ATXN10: variants seen among roughly 807,000 people sequenced by gnomAD.
ATXN10 encodes the protein ataxin-10.
ATXN10 carries 28 observed loss-of-function variants against 52.9 expected under a neutral mutation model. That is an observed-to-expected ratio of 0.53 (90% CI 0.39 to 0.73). ATXN10 has a LOEUF of 0.73. Ranked by LOEUF, ATXN10 falls within the 30% of genes least tolerant of loss-of-function variation. The probability of loss-of-function intolerance (pLI) is 0.00; values close to 1 mark genes in which losing one functional copy is unlikely to be tolerated. For synonymous variants in ATXN10, 226 were observed against 221.5 expected (o/e 1.02, Z -0.18); for missense variants, 565 against 577.0 (o/e 0.98, Z 0.21).
rs1447490007 is a variant in ATXN10, at chr22:45,738,800, T to G, written c.964T>G (p.Tyr322Asp). 1 of 1,614,206 alleles carries G rather than the reference T, an allele frequency of 6.2e-7. No individual in the cohort carries two copies. The highest frequency in any genetic ancestry group is 1.1e-5 in the South Asian group (1 of 91,088). Residue 322 changes from tyrosine to aspartate, a missense_variant, in exon 8 of 12, where the codon TAT (tyrosine) becomes GAT (aspartate). By Grantham distance (160) the Tyr-to-Asp change is radical. Coordinates refer to ENST00000252934, the MANE Select transcript of ATXN10 (RefSeq NM_013236.4). ...EMTVNTELLG[Y>D]LQVFPGLLER... ...GACTGTGAATACTGAGCTGCTCGGC[T>G]ATCTGCAGGTTTTCCCTGGCTTGCT...
rs1027286914 is a variant in ATXN10, at chr22:45,780,825, G to A, written c.1174-26134G>A. Among the ~76,000 whole-genome samples the A allele has an allele frequency of 6.6e-6, 1 of 152,100 alleles. No homozygotes were observed. The highest frequency in any genetic ancestry group is 1.5e-5 in the Non-Finnish European group (1 of 68,016). On this transcript the variant is annotated intron_variant, in intron 9 of 11. Coordinates refer to ENST00000252934, the MANE Select transcript of ATXN10 (RefSeq NM_013236.4). This position sits in a 1 kb window ranked among gnomAD's most constrained non-coding sequence, Gnocchi z 4.0. ...TTAAGGTGGTGCAGATGCACTTCCC[G>A]GTATCTCTCCAGCTAAATACATCCA...
chr22:45,843,904 A>G lies in ATXN10; in HGVS notation c.*233A>G. 2 of 580,412 alleles carry G rather than the reference A, an allele frequency of 3.4e-6. No homozygotes were observed. The highest frequency in any genetic ancestry group is 6.1e-6 in the Non-Finnish European group (2 of 326,588). 36.0% of individuals were successfully genotyped at this position (580,412 alleles called of 1,614,324 possible). On this transcript the variant is annotated 3_prime_UTR_variant, in exon 12 of 12. Transcript: ENST00000252934. This position sits in a 1 kb window ranked among gnomAD's most constrained non-coding sequence, Gnocchi z 4.5. ...GGTTTGCCTTTGTCCCCCTGGATAG[A>G]ACGTGCATTTAAAGAATATATTGTA...
chr22:45,778,141 CT>C (rs1174545799), intron 9 of ATXN10, among the ~76,000 whole-genome samples: 3 of 152,198 alleles, frequency 2.0e-5, no homozygotes, highest in Non-Finnish European at 4.4e-5. Flanking sequence ...TTGCTGGCCC[CT>C]GACTTAATGC....
intron 9 of ATXN10, among the ~76,000 whole-genome samples, chr22:45,742,428 C>T (rs1218694917): frequency 1.3e-5 from 2 of 151,472 alleles, no homozygotes; most frequent in African/African-American, 4.9e-5. Context: ...AAAGGAGATA[C>T]GCTTCATAAG....
rs1402238537 is a variant in ATXN10, at chr22:45,783,517, A to T, written c.1174-23442A>T. 6.6e-6 allele frequency among the ~76,000 whole-genome samples: 1 copy of T among 152,148 alleles called. No homozygotes were observed. The highest frequency in any genetic ancestry group is 2.4e-5 in the African/African-American group (1 of 41,422). On this transcript the variant is annotated intron_variant, in intron 9 of 11. Coordinates refer to ENST00000252934, the MANE Select transcript of ATXN10 (RefSeq NM_013236.4). This position sits in a 1 kb window ranked among gnomAD's most constrained non-coding sequence, Gnocchi z 5.0. ...AGCTTGGCCTTCAGGGCTGCCCCTG[A>T]TTGGACCTGCCTGGCCGGCTCAGGT...
intron 1 of ATXN10, chr22:45,689,437 C>G: frequency 2.1e-6 from 1 of 468,882 alleles, no homozygotes; most frequent in Non-Finnish European, 3.9e-6. Context: ...ATCTCTACTT[C>G]ACTTACCTTA....
rs1300345726 is a variant in ATXN10 at position 45,733,858 on chromosome 22, C to CT, written c.894+4275dup. On this transcript the variant is annotated intron_variant, in intron 7 of 11. Transcript: ENST00000252934. The surrounding 1 kb of genome is among the most constrained non-coding windows in gnomAD (Gnocchi z 4.4). Reference sequence around the variant, plus strand: ...TTTTTTTTGTTTTCTTTTCAAAGGTCTTTTTTTGTATATACACACCTATAT... The same window carrying CT: ...TTTTTTTTGTTTTCTTTTCAAAGGTCTTTTTTTTGTATATACACACCTATAT... Among the ~76,000 whole-genome samples, 1 of 148,584 alleles carries CT rather than the reference C, an allele frequency of 6.7e-6. No individual in the cohort carries two copies. The highest frequency in any genetic ancestry group is 2.5e-5 in the African/African-American group (1 of 40,460).
intron 9 of ATXN10, among the ~76,000 whole-genome samples, chr22:45,773,212 A>G (rs1256491471): frequency 6.6e-6 from 1 of 152,220 alleles, no homozygotes; most frequent in Non-Finnish European, 1.5e-5. Context: ...TGCTCAACTC[A>G]TTCATTCTAG....
At chr22:45,731,892 G>A (rs184846542) in intron 7 of ATXN10, among the ~76,000 whole-genome samples, 7 of 152,244 alleles carry the variant, frequency 4.6e-5, no homozygotes, top group East Asian at 3.9e-4. Context: ...AGGGGCTTGC[G>A]TTTACTTTCT....
rs1210424678 is a variant in ATXN10 at position 45,672,042 on chromosome 22, C to G, written c.-22C>G. 1.3e-6 allele frequency: 2 copies of G among 1,533,564 alleles called. No homozygotes were observed. Among genetic ancestry groups the G allele is most frequent in the South Asian group, 1.2e-5 (1 of 83,574 alleles). The allele number at this position is 1,533,564 out of a possible 1,614,324, so 95.0% of individuals were successfully genotyped here. ...TCGCCTTCCTCCTCCTCGTCAGGCTCGACCCAGCTGTGAGCGGCAAGATGG... is the reference window on the plus strand; with the variant it reads ...TCGCCTTCCTCCTCCTCGTCAGGCTGGACCCAGCTGTGAGCGGCAAGATGG... On this transcript the variant is annotated 5_prime_UTR_variant, in exon 1 of 12. Coordinates refer to ENST00000252934, the MANE Select transcript of ATXN10 (RefSeq NM_013236.4).
rs1925920620 is a variant in ATXN10 at position 45,750,879 on chromosome 22, G to T, written c.1173+10341G>T. 6.6e-6 allele frequency among the ~76,000 whole-genome samples: 1 copy of T among 152,074 alleles called. No individual in the cohort carries two copies. Among genetic ancestry groups the T allele is most frequent in the Non-Finnish European group, 1.5e-5 (1 of 68,004 alleles). On this transcript the variant is annotated intron_variant, in intron 9 of 11. Transcript: ENST00000252934. This position sits in a 1 kb window ranked among gnomAD's most constrained non-coding sequence, Gnocchi z 4.2. The stretch of plus-strand genomic sequence containing the variant: ...TGTAAAGAGTTTTTCTCCATGATAA[G>T]AAGAGAACATGCTCCGTTCATTAGT...
rs946950724 is a variant in ATXN10 at position 45,787,373 on chromosome 22, G to A, written c.1174-19586G>A. On this transcript the variant is annotated intron_variant, in intron 9 of 11. Transcript: ENST00000252934. This position sits in a 1 kb window ranked among gnomAD's most constrained non-coding sequence, Gnocchi z 4.2. ...AAAACTGGAGTTCGGACCTTTTTCC[G>A]TCTACCGCTGTGTCTTGATCTGCCT... Among the ~76,000 whole-genome samples, 6 of 152,206 alleles carry A rather than the reference G, an allele frequency of 3.9e-5. No individual in the cohort carries two copies. Among genetic ancestry groups the A allele is most frequent in the South Asian group, 2.1e-4 (1 of 4,820 alleles).
intron 10 of ATXN10, among the ~76,000 whole-genome samples, chr22:45,810,773 G>A (rs1040191514): frequency 2.0e-5 from 3 of 151,804 alleles, no homozygotes; most frequent in Admixed American, 6.6e-5. Context: ...CTTCTTTTTT[G>A]ACTCGTGGAT....
chr22:45,771,148 T>G (rs1926762993), intron 9 of ATXN10, among the ~76,000 whole-genome samples: 2 of 152,204 alleles, frequency 1.3e-5, no homozygotes, highest in African/African-American at 4.8e-5. Context: ...TACACACAAA[T>G]GTTCACAGAA....
chr22:45,747,457 T>G (rs532986696), intron 9 of ATXN10, among the ~76,000 whole-genome samples: 20 of 150,504 alleles, frequency 1.3e-4, no homozygotes, highest in Non-Finnish European at 3.0e-4. Flanking sequence ...TGCACCGTGA[T>G]TGTGCCACTG....
rs1927332907 is a variant in ATXN10 at position 45,786,642 on chromosome 22, T to A, written c.1174-20317T>A. On this transcript the variant is annotated intron_variant, in intron 9 of 11. Coordinates refer to ENST00000252934, the MANE Select transcript of ATXN10 (RefSeq NM_013236.4). The surrounding 1 kb of genome is among the most constrained non-coding windows in gnomAD (Gnocchi z 4.1). ...GGTCAGCAAAACTTGTACTATTAAA[T>A]GCCTTTATCTCATAAAATCTTAATT... Among the ~76,000 whole-genome samples, 1 of 152,262 alleles carries A rather than the reference T, an allele frequency of 6.6e-6. No individual in the cohort carries two copies. Among genetic ancestry groups the A allele is most frequent in the Non-Finnish European group, 1.5e-5 (1 of 68,050 alleles).
chr22:45,699,843 A>T (rs1365577660), intron 3 of ATXN10, among the ~76,000 whole-genome samples: 5 of 144,394 alleles, frequency 3.5e-5, no homozygotes, highest in African/African-American at 1.3e-4. Flanking sequence ...GGTAAGGCAT[A>T]TTAATTTTTT....
In ATXN10 at chr22:45,843,208, C is replaced by T. The variant is rs550503464; in HGVS notation, c.1425+30C>T. ...GTACCCTCGAGGGAACTGTCCTTCC[C>T]TTTGGTTTGTAGAAAGCTGTTTCCA... On this transcript the variant is annotated intron_variant, in intron 11 of 11. Transcript: ENST00000252934. The surrounding 1 kb of genome is among the most constrained non-coding windows in gnomAD (Gnocchi z 4.5). 6.8e-6 allele frequency: 11 copies of T among 1,611,752 alleles called. No homozygotes were observed. The African/African-American group carries it at 9.3e-5, about 14-fold the overall frequency.
At chr22:45,793,129 T>A (rs1927573629) in intron 9 of ATXN10, 1 of 182,332 alleles carries the variant, frequency 5.5e-6, no homozygotes. Context: ...ACAATTGTAT[T>A]GTACTCTGTT....
Sources: gnomAD v4.1 joint callset for allele counts (sites outside exome capture counted in the v4.1 genomes callset) on GRCh38, gnomAD v4.1.1 for gene constraint, Gnocchi (gnomAD v3.1) non-coding constraint, MANE v1.5 for transcripts, NCBI Gene and HGNC (gene_info 2026-07-23, HGNC 2026-07-21) for gene names.